Variants in HERC1 observed in about 807,000 individuals in gnomAD.
HERC1 encodes the protein HECT and RLD domain containing E3 ubiquitin protein ligase family member 1, also known as probable E3 ubiquitin-protein ligase HERC1.
HERC1 carries 160 observed loss-of-function variants against 554.3 expected under a neutral mutation model. That is an observed-to-expected ratio of 0.29 (90% confidence interval 0.25 to 0.33). The LOEUF (loss-of-function observed/expected upper bound fraction) is 0.33. Among genes scored for constraint, HERC1 ranks in the 10% least tolerant of loss-of-function variants. The probability of loss-of-function intolerance (pLI) is 1.00; values close to 1 mark genes in which losing one functional copy is unlikely to be tolerated. For synonymous variants in HERC1, 2,175 were observed against 2,131.7 expected (o/e 1.02, Z -0.56); for missense variants, 4,919 against 5,918.5 (o/e 0.83, Z 5.54).
intron 61 of HERC1, among the ~76,000 whole-genome samples, chr15:63,639,067 C>T (rs538479309): frequency 1.3e-5 from 2 of 152,320 alleles, no homozygotes; most frequent in African/African-American, 4.8e-5. Flanking sequence ...GAGGACCCCA[C>T]ACCCCTGTAA....
rs1161132880 is a variant in HERC1, at chr15:63,796,515, T to C, written c.-26-20866A>G. On this transcript the variant is annotated intron_variant, in intron 1 of 77. Coordinates refer to ENST00000443617, the MANE Select transcript of HERC1 (RefSeq NM_003922.4). ...CGGGGTGTAGACTGTAAACCAAAAA[T>C]AGCTGAGTTAGGTCTCAATCAATTT... is the stretch of plus-strand genomic sequence containing the variant. 2.6e-5 allele frequency among the ~76,000 whole-genome samples: 4 copies of C among 152,294 alleles called. No homozygotes were observed. The South Asian group carries it at 8.3e-4, about 32-fold the overall frequency.
chr15:63,667,233 G>T (rs1006419619), intron 40 of HERC1, among the ~76,000 whole-genome samples: 2 of 152,162 alleles, frequency 1.3e-5, no homozygotes, highest in African/African-American at 2.4e-5. Context: ...AATGTAACTA[G>T]AAGTTCACAG....
At chr15:63,733,456 T>C (rs964804626) in intron 13 of HERC1, among the ~76,000 whole-genome samples, 7 of 152,330 alleles carry the variant, frequency 4.6e-5, no homozygotes, top group East Asian at 1.9e-4. Flanking sequence ...AGATAAATAA[T>C]ATGACACATG....
chr15:63,646,835 C>T (rs8035286), intron 55 of HERC1, among the ~76,000 whole-genome samples: 1 of 38,232 alleles, frequency 2.6e-5, no homozygotes, highest in African/African-American at 9.3e-5. Flanking sequence ...CAAACAAAAA[C>T]AAAAACAAAA....
chr15:63,694,238 A>C lies in HERC1; in HGVS notation c.5480+74T>G. 6.4e-7 allele frequency: 1 copy of C among 1,565,072 alleles called. No individual in the cohort carries two copies. The highest frequency in any genetic ancestry group is 8.7e-7 in the Non-Finnish European group (1 of 1,153,614). Reference sequence around the variant, plus strand: ...TGCTTAAATACATAAAGCAGATTAGAGGGAAAGGGGGAATTCTAAAATGGA... The same window carrying C: ...TGCTTAAATACATAAAGCAGATTAGCGGGAAAGGGGGAATTCTAAAATGGA... On this transcript the variant is annotated intron_variant, in intron 29 of 77. Transcript: ENST00000443617. This position sits in a 1 kb window ranked among gnomAD's most constrained non-coding sequence, Gnocchi z 4.3.
chr15:63,778,745 T>C (rs1415310113), intron 1 of HERC1, among the ~76,000 whole-genome samples: 1 of 152,206 alleles, frequency 6.6e-6, no homozygotes, highest in African/African-American at 2.4e-5. Context: ...AAAACTCAAG[T>C]GCATACAGAG....
In HERC1 at chr15:63,663,183, T is replaced by C; in HGVS notation, c.8702A>G (p.Gln2901Arg). Residue 2901 changes from glutamine to arginine, a missense_variant, in exon 44 of 78, where the codon CAG (glutamine) becomes CGG (arginine). By Grantham distance (43) the Gln-to-Arg change is conservative. This residue lies in a region of HERC1 where 1,963 missense variants were observed against 2,228.6 expected (regional missense o/e 0.88). Coordinates refer to ENST00000443617, the MANE Select transcript of HERC1 (RefSeq NM_003922.4). The part of the protein sequence containing the change: ...ARAAGLYRSV[Q>R]AHRNQSRREG... ...TCTCCGACTTTGATTCCTGTGGGCC[T>C]GCACAGAGCGGTATAATCCCGCTCA... The C allele has an allele frequency of 6.2e-7, 1 of 1,614,012 alleles. No homozygotes were observed. Among genetic ancestry groups the C allele is most frequent in the Non-Finnish European group, 8.5e-7 (1 of 1,179,854 alleles).
In HERC1 at chr15:63,713,398, T is replaced by G; in HGVS notation, c.4418A>C (p.Gln1473Pro). The G allele has an allele frequency of 1.2e-6, 2 of 1,614,054 alleles. No individual in the cohort carries two copies. Among genetic ancestry groups the G allele is most frequent in the Non-Finnish European group, 1.7e-6 (2 of 1,179,888 alleles). ...TTCAGAGGCACTTGTTGAAGGTTGC[T>G]GCAACTGTCCTTCTTCTCTTCGCTT... ...LQKRREEGQL[Q>P]QPSTSASEGG... Residue 1473 changes from glutamine to proline, a missense_variant, in exon 23 of 78, where the codon CAG (glutamine) becomes CCG (proline). Physicochemically the swap from Gln to Pro is moderately conservative, Grantham distance 76. Around this residue, in one of 11 missense-constraint regions of HERC1, gnomAD observed 1,121 missense variants for 1,244.0 expected, o/e 0.90. Transcript: ENST00000443617.
At chr15:63,810,311 T>TA (rs1240248299) in intron 1 of HERC1, among the ~76,000 whole-genome samples, 1 of 152,144 alleles carries the variant, frequency 6.6e-6, no homozygotes, top group African/African-American at 2.4e-5. Flanking sequence ...ATGTGGTGTA[T>TA]ACACATACAC....
rs776085996 is a variant in HERC1 at position 63,666,033 on chromosome 15, G to A, written c.8441C>T (p.Pro2814Leu). The change falls in exon 42 of 78, where the codon CCT becomes CTT. Residue 2814 changes from proline to leucine, a missense_variant. Pro to Leu is a moderately conservative substitution (Grantham distance 98). Transcript: ENST00000443617. Reference protein sequence around the residue: ...PQSGSTADSRPGAAVLGSGGK... With the variant: ...PQSGSTADSRLGAAVLGSGGK... Reference sequence around the variant, plus strand: ...GCCACTGCCTAGAACGGCTGCTCCAGGCCTAGAGTCTGCTGTGCTGCCCGA... The same window carrying A: ...GCCACTGCCTAGAACGGCTGCTCCAAGCCTAGAGTCTGCTGTGCTGCCCGA... 5 of 1,614,026 alleles carry A rather than the reference G, an allele frequency of 3.1e-6. No individual in the cohort carries two copies. The highest frequency in any genetic ancestry group is 4.2e-6 in the Non-Finnish European group (5 of 1,179,888).
intron 1 of HERC1, among the ~76,000 whole-genome samples, chr15:63,808,655 A>G (rs938669452): frequency 2.6e-5 from 4 of 152,228 alleles, no homozygotes; most frequent in African/African-American, 9.6e-5. Context: ...CCACTTGTCA[A>G]GTTCAACAGT....
chr15:63,653,708 C>T (rs556371763), intron 51 of HERC1, among the ~76,000 whole-genome samples: 19 of 152,244 alleles, frequency 1.2e-4, no homozygotes, highest in African/African-American at 4.1e-4. Context: ...AATGTAAATA[C>T]TATGTAAACA....
intron 19 of HERC1, among the ~76,000 whole-genome samples, chr15:63,719,786 T>C (rs1205459420): frequency 6.6e-6 from 1 of 152,174 alleles, no homozygotes; most frequent in Non-Finnish European, 1.5e-5. Flanking sequence ...TCAAAGGTGA[T>C]TCTAAATGTA....
chr15:63,702,888 G>A (rs945272813), intron 25 of HERC1, among the ~76,000 whole-genome samples: 4 of 152,034 alleles, frequency 2.6e-5, no homozygotes, highest in Admixed American at 1.3e-4. Context: ...GGGGGATCAC[G>A]AGGTCAGGAG....
chr15:63,643,636 A>G, intron 57 of HERC1, 86 bp from the exon 58 acceptor site: 1 of 1,050,958 alleles, frequency 9.5e-7, no homozygotes, highest in Non-Finnish European at 1.3e-6. Context: ...GAAATTTTAT[A>G]TTTCAGAATA....
chr15:63,769,863 A>C (rs1464734760), intron 2 of HERC1, among the ~76,000 whole-genome samples: 1 of 152,208 alleles, frequency 6.6e-6, no homozygotes, highest in Non-Finnish European at 1.5e-5. Context: ...GTCTTAAAAA[A>C]TAAAAAAAAT....
intron 16 of HERC1, 46 bp downstream of exon 16, chr15:63,729,190 T>C (rs763772679): frequency 7.8e-6 from 12 of 1,531,510 alleles, no homozygotes; most frequent in South Asian, 1.3e-5. Context: ...CAAGTGTTCT[T>C]ACTTCTTAAT....
Position 63,654,314 on chromosome 15 carries a change from C to G in HERC1, c.10095G>C (p.Glu3365Asp). 1.9e-6 allele frequency: 3 copies of G among 1,612,802 alleles called. No homozygotes were observed. The highest frequency in any genetic ancestry group is 2.5e-6 in the Non-Finnish European group (3 of 1,179,204). Reference sequence around the variant, plus strand: ...AGCAGGCTGCCAGGGCATTAGCCAACTCCAGAGGGCCTACAGCAGAAGGAT... The same window carrying G: ...AGCAGGCTGCCAGGGCATTAGCCAAGTCCAGAGGGCCTACAGCAGAAGGAT... ...KSEVEKKGPL[E>D]LANALAACCL... The change falls in exon 51 of 78, where the codon GAG (glutamate) becomes GAC (aspartate). Residue 3365 changes from glutamate to aspartate, a missense_variant. Physicochemically the swap from Glu to Asp is conservative, Grantham distance 45 (BLOSUM62 2). Coordinates refer to ENST00000443617, the MANE Select transcript of HERC1 (RefSeq NM_003922.4).
chr15:63,694,435 C>T lies in HERC1; in HGVS notation c.5357G>A (p.Cys1786Tyr). The T allele has an allele frequency of 6.2e-7, 1 of 1,613,966 alleles. No individual in the cohort carries two copies. Among genetic ancestry groups the T allele is most frequent in the Non-Finnish European group, 8.5e-7 (1 of 1,179,870 alleles). ...TGLLNVLSQL[C>Y]GTDTMLGQPL... Reference sequence around the variant, plus strand: ...CTGTCCTAGCATGGTGTCTGTACCACACAACTGTGACAATACGTTTAGCAG... The same window carrying T: ...CTGTCCTAGCATGGTGTCTGTACCATACAACTGTGACAATACGTTTAGCAG... Residue 1786 changes from cysteine (C) to tyrosine (Y), a missense_variant, in exon 29 of 78, where the codon TGT becomes TAT. Transcript: ENST00000443617. This position sits in a 1 kb window ranked among gnomAD's most constrained non-coding sequence, Gnocchi z 4.3.
Sources: allele counts gnomAD v4.1 joint callset (sites outside exome capture counted in the v4.1 genomes callset), GRCh38; gene constraint gnomAD v4.1.1; regional missense constraint gnomAD v4.1.1; non-coding constraint Gnocchi (gnomAD v3.1); transcripts MANE v1.5; gene names NCBI Gene and HGNC (gene_info 2026-07-23, HGNC 2026-07-21).